ADAMTS6: variants seen among roughly 807,000 people sequenced by gnomAD.
ADAMTS6 encodes the protein ADAM metallopeptidase with thrombospondin type 1 motif 6.
ADAMTS6 carries 23 observed loss-of-function variants against 144.3 expected under a neutral mutation model. The ratio of observed to expected loss-of-function variants is 0.16; its 90% CI spans 0.11 to 0.23. ADAMTS6 has a LOEUF of 0.23. Among genes scored for constraint, ADAMTS6 ranks in the 10% least tolerant of loss-of-function variants. The pLI is 1.00. For synonymous variants in ADAMTS6, 444 were observed against 457.5 expected, an observed-to-expected ratio of 0.97 and a Z score of 0.38; for missense variants, 999 against 1,379.6, an observed-to-expected ratio of 0.72 and a Z score of 4.37.
intron 7 of ADAMTS6, among the ~76,000 whole-genome samples, chr5:65,399,963 T>G (rs748940544): frequency 2.6e-5 from 4 of 152,196 alleles, no homozygotes; most frequent in Non-Finnish European, 1.5e-5. Context: ...ATTTCCCAGT[T>G]TTTGTTCATC....
chr5:65,275,885 A>G (rs1473059403), intron 11 of ADAMTS6, among the ~76,000 whole-genome samples: 1 of 152,080 alleles, frequency 6.6e-6, no homozygotes, highest in African/African-American at 2.4e-5. Context: ...AGATTAATAT[A>G]AAGATTATGA....
intron 7 of ADAMTS6, among the ~76,000 whole-genome samples, chr5:65,334,735 T>C (rs1360521143): frequency 2.6e-5 from 4 of 152,186 alleles, no homozygotes; most frequent in Non-Finnish European, 5.9e-5. Flanking sequence ...ATTTATTCTA[T>C]ACCATGCTGC....
At chr5:65,270,769 T>C (rs1174504765) in intron 12 of ADAMTS6, among the ~76,000 whole-genome samples, 1 of 152,202 alleles carries the variant, frequency 6.6e-6, no homozygotes, top group East Asian at 1.9e-4. Flanking sequence ...GTTGTGAATA[T>C]AAATGACCCC....
At chr5:65,166,106 G>T (rs1343343654) in intron 24 of ADAMTS6, among the ~76,000 whole-genome samples, 1 of 140,982 alleles carries the variant, frequency 7.1e-6, no homozygotes, top group Admixed American at 7.2e-5. Context: ...AAAGAGTCAA[G>T]ACCCATCAGT....
intron 9 of ADAMTS6, among the ~76,000 whole-genome samples, chr5:65,326,053 TC>T (rs1746136131): frequency 2.0e-5 from 3 of 152,204 alleles, no homozygotes; most frequent in Non-Finnish European, 2.9e-5. Context: ...ATCCTGGACA[TC>T]ATGTCACTTC....
chr5:65,329,499 G>A lies in ADAMTS6; in HGVS notation c.1118-16C>T. On this transcript the variant is annotated splice_polypyrimidine_tract_variant and intron_variant, in intron 8 of 24. Coordinates refer to ENST00000381055, the MANE Select transcript of ADAMTS6 (RefSeq NM_197941.4). ...GAGGCCAAGCCTGAATAAACAGAAA[G>A]AGACACAAAGGGTCAAGCCAAGGTG... The A allele has an allele frequency of 1.3e-6, 2 of 1,599,268 alleles. No homozygotes were observed. The highest frequency in any genetic ancestry group is 1.7e-6 in the Non-Finnish European group (2 of 1,174,126).
At chr5:65,317,172 A>T (rs567050934) in intron 9 of ADAMTS6, among the ~76,000 whole-genome samples, 1 of 152,330 alleles carries the variant, frequency 6.6e-6, no homozygotes, top group South Asian at 2.1e-4. Flanking sequence ...AAACTGACGG[A>T]GTGAAAAGGA....
chr5:65,419,831 GGA>G (rs1364621570), intron 7 of ADAMTS6, among the ~76,000 whole-genome samples: 30 of 152,278 alleles, frequency 2.0e-4, no homozygotes, highest in Admixed American at 1.8e-3. Context: ...ACCTAGGGCT[GGA>G]GAGAATGGAG....
intron 20 of ADAMTS6, chr5:65,210,719 T>C (rs1055517955): frequency 1.1e-5 from 7 of 646,338 alleles, no homozygotes; most frequent in Admixed American, 1.9e-5. Context: ...AAGCACATCA[T>C]GGGCCAGAAT....
chr5:65,153,692 A>G (rs1269212475), intron 24 of ADAMTS6, among the ~76,000 whole-genome samples: 1 of 152,212 alleles, frequency 6.6e-6, no homozygotes, highest in Non-Finnish European at 1.5e-5. Context: ...CCCTAAAGAC[A>G]CAAGTCAGTT....
intron 15 of ADAMTS6, among the ~76,000 whole-genome samples, chr5:65,232,009 G>C (rs1024630616): frequency 6.6e-6 from 1 of 152,120 alleles, no homozygotes; most frequent in Non-Finnish European, 1.5e-5. Flanking sequence ...TACTCGGGAG[G>C]CTGAGGCAGG....
At chr5:65,454,566 T>A (rs1028538492) in intron 4 of ADAMTS6, among the ~76,000 whole-genome samples, 1 of 152,204 alleles carries the variant, frequency 6.6e-6, no homozygotes, top group South Asian at 2.1e-4. Context: ...CTTTTGAATA[T>A]GGGTAGGACC....
intron 22 of ADAMTS6, among the ~76,000 whole-genome samples, chr5:65,176,128 G>C (rs545634919): frequency 1.0e-3 from 157 of 152,028 alleles, no homozygotes; most frequent in Non-Finnish European, 1.7e-3. Context: ...GGAAAAAAAG[G>C]GGGGGGCAGA....
At chr5:65,265,948 T>A (rs1580234313) in intron 12 of ADAMTS6, among the ~76,000 whole-genome samples, 1 of 151,964 alleles carries the variant, frequency 6.6e-6, no homozygotes. Context: ...ATAACATGCT[T>A]TACTGGATTT....
intron 7 of ADAMTS6, among the ~76,000 whole-genome samples, chr5:65,411,060 A>G (rs1755005705): frequency 6.6e-6 from 1 of 151,840 alleles, no homozygotes; most frequent in African/African-American, 2.4e-5. Flanking sequence ...CTGGTCTTGA[A>G]CTCATGGGCT....
At chr5:65,263,963 G>C (rs1202169266) in intron 12 of ADAMTS6, among the ~76,000 whole-genome samples, 1 of 152,078 alleles carries the variant, frequency 6.6e-6, no homozygotes, top group Non-Finnish European at 1.5e-5. Context: ...TCATGATGTG[G>C]TACTTAGAAA....
chr5:65,214,587 A>G lies in ADAMTS6; in HGVS notation c.2575+207T>C. 1.5e-6 allele frequency: 1 copy of G among 681,554 alleles called. No homozygotes were observed. Among genetic ancestry groups the G allele is most frequent in the Admixed American group, 2.6e-5 (1 of 38,928 alleles). 42.2% of individuals were successfully genotyped at this position (681,554 alleles called of 1,614,324 possible). A position where few individuals can be genotyped will look rare whatever the true frequency, so the allele number is the denominator to read the frequency against. On this transcript the variant is annotated intron_variant, in intron 20 of 24. Coordinates refer to ENST00000381055, the MANE Select transcript of ADAMTS6 (RefSeq NM_197941.4). This position sits in a 1 kb window ranked among gnomAD's most constrained non-coding sequence, Gnocchi z 4.6. ...CACTCATTGTGCCAAGATGTATTTT[A>G]CCAACAAATCTGCACAAATTACATG... is the stretch of plus-strand genomic sequence containing the variant.
intron 21 of ADAMTS6, among the ~76,000 whole-genome samples, chr5:65,191,680 A>G (rs1405459813): frequency 1.3e-5 from 2 of 152,262 alleles, no homozygotes; most frequent in East Asian, 1.9e-4. Flanking sequence ...TTTCAAAACA[A>G]AAAGTTGTTA....
At chr5:65,281,786 T>C (rs1351433102) in intron 11 of ADAMTS6, among the ~76,000 whole-genome samples, 1 of 152,162 alleles carries the variant, frequency 6.6e-6, no homozygotes, top group East Asian at 1.9e-4. Context: ...TTACCTAATA[T>C]GCAGAAAATA....
Sources: allele counts gnomAD v4.1 joint callset (sites outside exome capture counted in the v4.1 genomes callset), GRCh38; gene constraint gnomAD v4.1.1; non-coding constraint Gnocchi (gnomAD v3.1); transcripts MANE v1.5; gene names NCBI Gene and HGNC (gene_info 2026-07-23, HGNC 2026-07-21).